RUSC2: variants seen among roughly 807,000 people sequenced by gnomAD.
RUSC2 encodes AP-4 complex accessory subunit RUSC2.
RUSC2 carries 34 observed loss-of-function variants against 122.2 expected under a neutral mutation model. That is an observed-to-expected ratio of 0.28 (90% CI 0.21 to 0.37). The LOEUF is 0.37. Ranked by LOEUF, RUSC2 falls within the 10% of genes least tolerant of loss-of-function variation. The pLI is 1.00. For synonymous variants in RUSC2, 784 were observed against 790.0 expected (o/e 0.99, Z 0.13); for missense variants, 1,747 against 1,952.4 (o/e 0.89, Z 1.98).
intron 1 of RUSC2, among the ~76,000 whole-genome samples, chr9:35,525,409 T>C (rs903198973): frequency 1.3e-5 from 2 of 152,194 alleles, no homozygotes; most frequent in African/African-American, 4.8e-5. Flanking sequence ...AGGAGACCAG[T>C]GGTCTCCTGA....
chr9:35,539,235 G>T (rs1257352912), intron 1 of RUSC2: 1 of 134,816 alleles, frequency 7.4e-6, no homozygotes, highest in African/African-American at 2.7e-5. Context: ...GTGCGGGGGG[G>T]GATAAAGGGG....
rs1459650916 is a variant in RUSC2, at chr9:35,561,392, C to T, written c.*10C>T. 4.4e-6 allele frequency: 7 copies of T among 1,601,066 alleles called. No individual in the cohort carries two copies. Among genetic ancestry groups the T allele is most frequent in the East Asian group, 4.5e-5 (2 of 44,836 alleles). On this transcript the variant is annotated 3_prime_UTR_variant, in exon 12 of 12. Coordinates refer to ENST00000361226, the MANE Select transcript of RUSC2 (RefSeq NM_014806.5). ...AAGCAGCCAAAACTGAGGCCCTGTG[C>T]ATGCTGGTGGCCTCAGGGACCCTCA...
intron 1 of RUSC2, among the ~76,000 whole-genome samples, chr9:35,532,200 A>G (rs1438063209): frequency 6.6e-6 from 1 of 152,164 alleles, no homozygotes; most frequent in Non-Finnish European, 1.5e-5. Context: ...TTGGTTTTCG[A>G]TATGTTGAAT....
intron 1 of RUSC2, among the ~76,000 whole-genome samples, chr9:35,498,843 CAA>C (rs751545845): frequency 4.6e-5 from 4 of 86,442 alleles, no homozygotes; most frequent in Admixed American, 1.3e-4. Context: ...GACTACATCT[CAA>C]AAAAAAAAAA....
chr9:35,512,509 G>A (rs1821027648), intron 1 of RUSC2, among the ~76,000 whole-genome samples: 1 of 152,086 alleles, frequency 6.6e-6, no homozygotes, highest in Non-Finnish European at 1.5e-5. Flanking sequence ...TTCTCTTTGA[G>A]GCTGTAAGTG....
At chr9:35,561,155 C>T in intron 11 of RUSC2, 26 bp from the exon 12 acceptor site, 1 of 1,613,548 alleles carries the variant, frequency 6.2e-7, no homozygotes, top group African/African-American at 1.3e-5. Context: ...GGGGGTTTCT[C>T]TGACCTCCAT....
chr9:35,504,909 G>A (rs918489006), intron 1 of RUSC2, among the ~76,000 whole-genome samples: 3 of 152,206 alleles, frequency 2.0e-5, no homozygotes, highest in Admixed American at 6.5e-5. Context: ...GGGTTTGGGG[G>A]CGAATGGGGA....
At chr9:35,531,694 G>A (rs963389215) in intron 1 of RUSC2, among the ~76,000 whole-genome samples, 1 of 152,210 alleles carries the variant, frequency 6.6e-6, no homozygotes, top group Non-Finnish European at 1.5e-5. Context: ...GATAATGTAA[G>A]TAAGTGTTTA....
intron 1 of RUSC2, among the ~76,000 whole-genome samples, chr9:35,512,722 G>A (rs754317064): frequency 1.3e-5 from 2 of 152,008 alleles, no homozygotes; most frequent in Non-Finnish European, 2.9e-5. Context: ...GTTTTGTTTT[G>A]TTTTTCCTTC....
chr9:35,508,914 T>G (rs113671254), intron 1 of RUSC2, among the ~76,000 whole-genome samples: 1 of 151,782 alleles, frequency 6.6e-6, no homozygotes, highest in Non-Finnish European at 1.5e-5. Context: ...ATTGAAAGAG[T>G]CCACTCAGCA....
In RUSC2 at chr9:35,546,971, A is replaced by C; in HGVS notation, c.450A>C (p.Pro150=). 1.3e-6 allele frequency: 2 copies of C among 1,585,704 alleles called. No homozygotes were observed. Among genetic ancestry groups the C allele is most frequent in the Non-Finnish European group, 1.7e-6 (2 of 1,164,420 alleles). ...NFHLSSFQLP[P]SGPRVGRPWG... ...ATCTATCCTCTTTCCAGCTGCCACC[A>C]TCTGGCCCCAGAGTGGGCAGGCCAT... The change falls in exon 2 of 12, where the codon CCA becomes CCC. Residue 150 remains proline, a synonymous_variant. Coordinates refer to ENST00000361226, the MANE Select transcript of RUSC2 (RefSeq NM_014806.5). The surrounding 1 kb of genome is among the most constrained non-coding windows in gnomAD (Gnocchi z 4.3).
intron 1 of RUSC2, among the ~76,000 whole-genome samples, chr9:35,533,195 C>T (rs1350699787): frequency 5.3e-5 from 8 of 149,876 alleles, no homozygotes; most frequent in South Asian, 4.2e-4. Context: ...TGCAGTGAGC[C>T]GAGATCGTGC....
intron 1 of RUSC2, among the ~76,000 whole-genome samples, chr9:35,520,703 G>A (rs954451360): frequency 1.3e-5 from 2 of 152,110 alleles, no homozygotes; most frequent in African/African-American, 4.8e-5. Flanking sequence ...GCAGCATAGG[G>A]GCCTTTTTTG....
Position 35,556,324 on chromosome 9 carries a change from G to A in RUSC2, c.2859G>A (p.Pro953=), listed in dbSNP as rs878072. Residue 953 remains proline (P), a synonymous_variant, in exon 5 of 12, where the codon CCG becomes CCA. Coordinates refer to ENST00000361226, the MANE Select transcript of RUSC2 (RefSeq NM_014806.5). ...TCTTTCCAGGCCAAGCAGTGAAGCCGTTACCACTGACCTGCCCTGACTTCC... is the reference window on the plus strand; with the variant it reads ...TCTTTCCAGGCCAAGCAGTGAAGCCATTACCACTGACCTGCCCTGACTTCC... ...NCRLNGQAVK[P]LPLTCPDFQD... The A allele has an allele frequency of 1.0e-3, 1,680 of 1,614,146 alleles. 3 individuals carry two copies. Among genetic ancestry groups the A allele is most frequent in the African/African-American group, 7.7e-3 (579 of 75,026 alleles).
Position 35,555,070 on chromosome 9 carries a change from C to G in RUSC2, c.2025C>G (p.Thr675=). The G allele has an allele frequency of 1.2e-6, 2 of 1,611,926 alleles. No individual in the cohort carries two copies. Among genetic ancestry groups the G allele is most frequent in the Non-Finnish European group, 1.7e-6 (2 of 1,179,990 alleles). ...DARARADGGG[T]ESRPVLRYSK... ...ATCCCTTTGCTACAGGGGGTGGCACCGAGAGCCGACCAGTCCTTCGCTACA... is the reference window on the plus strand; with the variant it reads ...ATCCCTTTGCTACAGGGGGTGGCACGGAGAGCCGACCAGTCCTTCGCTACA... The change falls in exon 3 of 12, where the codon ACC becomes ACG. Residue 675 remains threonine, a synonymous_variant. Transcript: ENST00000361226. This position sits in a 1 kb window ranked among gnomAD's most constrained non-coding sequence, Gnocchi z 4.6.
At chr9:35,512,794 A>C (rs1821032311) in intron 1 of RUSC2, among the ~76,000 whole-genome samples, 1 of 152,200 alleles carries the variant, frequency 6.6e-6, no homozygotes, top group Non-Finnish European at 1.5e-5. Context: ...TACCAAACAC[A>C]CCTGGGTATG....
In RUSC2 at chr9:35,548,785, T is replaced by C; in HGVS notation, c.2014+250T>C. ...TGACTCACACCTGTGATCCCAGCCC[T>C]TTGGGAGGCCAAGCCAGGCGAATCA... On this transcript the variant is annotated intron_variant, in intron 2 of 11. Coordinates refer to ENST00000361226, the MANE Select transcript of RUSC2 (RefSeq NM_014806.5). The surrounding 1 kb of genome is among the most constrained non-coding windows in gnomAD (Gnocchi z 4.5). The C allele has an allele frequency of 1.0e-6, 1 of 972,556 alleles. No homozygotes were observed. The highest frequency in any genetic ancestry group is 1.2e-6 in the Non-Finnish European group (1 of 818,238). 60.2% of individuals were successfully genotyped at this position (972,556 alleles called of 1,614,324 possible). A position where few individuals can be genotyped will look rare whatever the true frequency, so the allele number is the denominator to read the frequency against.
Position 35,555,463 on chromosome 9 carries a change from G to A in RUSC2, c.2418G>A (p.Glu806=), listed in dbSNP as rs763544887. The A allele has an allele frequency of 3.7e-6, 6 of 1,614,128 alleles. No individual in the cohort carries two copies. The highest frequency in any genetic ancestry group is 5.1e-6 in the Non-Finnish European group (6 of 1,180,024). ...SASTSCSPPP[E]QPTATESLPP... is the part of the protein sequence containing the mutation. ...CCACTTCGTGCTCCCCTCCCCCAGA[G>A]CAGCCCACAGCCACAGAAAGCCTGC... Residue 806 remains glutamate, a synonymous_variant, in exon 3 of 12, where the codon GAG becomes GAA. Coordinates refer to ENST00000361226, the MANE Select transcript of RUSC2 (RefSeq NM_014806.5). This position sits in a 1 kb window ranked among gnomAD's most constrained non-coding sequence, Gnocchi z 4.6.
chr9:35,545,233 A>G (rs1362706806), intron 1 of RUSC2, among the ~76,000 whole-genome samples: 1 of 152,228 alleles, frequency 6.6e-6, no homozygotes, highest in Admixed American at 6.5e-5. Flanking sequence ...ATTCAGTTAA[A>G]TGATGAATAA....
Sources: allele counts gnomAD v4.1 joint callset (sites outside exome capture counted in the v4.1 genomes callset), GRCh38; gene constraint gnomAD v4.1.1; non-coding constraint Gnocchi (gnomAD v3.1); transcripts MANE v1.5; gene names NCBI Gene and HGNC (gene_info 2026-07-23, HGNC 2026-07-21).